POLR3E: variants seen among roughly 807,000 people sequenced by gnomAD.
POLR3E encodes the protein DNA-directed RNA polymerase III subunit RPC5.
In POLR3E, 41 loss-of-function variants were observed where a neutral mutation model predicts 96.6. The ratio of observed to expected loss-of-function variants is 0.42; its 90% CI spans 0.33 to 0.55. The LOEUF (loss-of-function observed/expected upper bound fraction) is 0.55, where lower values mean the gene tolerates loss of function less well. Among genes scored for constraint, POLR3E ranks in the 20% least tolerant of loss-of-function variants. POLR3E has a pLI of 0.06. For synonymous variants in POLR3E, 396 were observed against 383.6 expected, an observed-to-expected ratio of 1.03 and a Z score of -0.38; for missense variants, 849 against 952.1, an observed-to-expected ratio of 0.89 and a Z score of 1.43.
rs959507017 is a variant in POLR3E at position 22,324,580 on chromosome 16, G to T, written c.1206G>T (p.Leu402=). Reference sequence around the variant, plus strand: ...TCAACAAAGGCTGGGAGTTCATTCTGCCTTATGATGGGGAGTTCATCAAGA... The same window carrying T: ...TCAACAAAGGCTGGGAGTTCATTCTTCCTTATGATGGGGAGTTCATCAAGA... ...VRINKGWEFI[L]PYDGEFIKKH... is the part of the protein sequence containing the mutation. Residue 402 remains leucine, a synonymous_variant, in exon 16 of 21, where the codon CTG becomes CTT. Transcript: ENST00000299853. 7.5e-5 allele frequency: 121 copies of T among 1,613,410 alleles called. No individual in the cohort carries two copies. Among genetic ancestry groups the T allele is most frequent in the Non-Finnish European group, 9.9e-5 (117 of 1,179,826 alleles).
rs751565085 is a variant in POLR3E, at chr16:22,316,672, C to G, written c.714C>G (p.Leu238=). 5.6e-6 allele frequency: 9 copies of G among 1,613,762 alleles called. No homozygotes were observed. The highest frequency in any genetic ancestry group is 5.5e-5 in the South Asian group (5 of 91,080). ...CAAGCGGGGTGGAGAACACGGAGCTCGTCAAGTCACCCAGGTGGGATGGGC... is the reference window on the plus strand; with the variant it reads ...CAAGCGGGGTGGAGAACACGGAGCTGGTCAAGTCACCCAGGTGGGATGGGC... ...PGSSGVENTE[L]VKSPSEYLMM... Residue 238 remains leucine (L), a synonymous_variant, in exon 10 of 21, where the codon CTC becomes CTG. Transcript: ENST00000299853.
At position 22,325,790 on chromosome 16, in the gene POLR3E, C is replaced by A; in HGVS notation, c.1378C>A (p.Arg460=). The A allele has an allele frequency of 1.3e-6, 2 of 1,590,452 alleles. No individual in the cohort carries two copies. The highest frequency in any genetic ancestry group is 1.7e-6 in the Non-Finnish European group (2 of 1,168,756). ...TGCCGGGCTGGTCTGTGGGGACCAG[C>A]GGATCCAAGTAGCCAAAACCAAGGC... ...GPAGLVCGDQ[R]IQVAKTKAQQ... is the part of the protein sequence containing the mutation. The change falls in exon 18 of 21, where the codon CGG becomes AGG. Residue 460 remains arginine (R), a synonymous_variant. Transcript: ENST00000299853.
rs376574532 is a variant in POLR3E, at chr16:22,316,852, C to T, written c.729-143C>T. ...GGTGGGCCTGGAAAGAGATGGTCCA[C>T]TTTTCTGCAGGGGCTCAGGGCTGCT... On this transcript the variant is annotated intron_variant, in intron 10 of 20. Transcript: ENST00000299853. 419 of 914,226 alleles carry T rather than the reference C, an allele frequency of 4.6e-4. 3 individuals are homozygous for T. In the African/African-American group the frequency reaches 6.3e-3, roughly 14 times the overall value. 56.6% of individuals were successfully genotyped at this position (914,226 alleles called of 1,614,324 possible).
rs2048408639 is a variant in POLR3E, at chr16:22,318,693, G to C, written c.866-133G>C. The C allele has an allele frequency of 3.5e-6, 3 of 869,244 alleles. No individual in the cohort carries two copies. The highest frequency in any genetic ancestry group is 1.6e-5 in the South Asian group (1 of 61,002). The allele number at this position is 869,244 out of a possible 1,614,324, so 53.8% of individuals were successfully genotyped here. ...CCTGAGAGTGTCAGCTGTTGGCTAT[G>C]ATGGGTGTCATTACTGTTAGTTATC... On this transcript the variant is annotated intron_variant, in intron 12 of 20. Coordinates refer to ENST00000299853, the MANE Select transcript of POLR3E (RefSeq NM_018119.4). The surrounding 1 kb of genome is among the most constrained non-coding windows in gnomAD (Gnocchi z 5.0).
At chr16:22,317,747 C>T (rs1020977808) in intron 12 of POLR3E, among the ~76,000 whole-genome samples, 1 of 151,592 alleles carries the variant, frequency 6.6e-6, no homozygotes, top group African/African-American at 2.4e-5. Context: ...CCAAGTGATC[C>T]TCCTGCCTCA....
At chr16:22,302,209 C>T (rs1415834525) in intron 1 of POLR3E, among the ~76,000 whole-genome samples, 1 of 152,174 alleles carries the variant, frequency 6.6e-6, no homozygotes, top group African/African-American at 2.4e-5. Context: ...GCCTTTCCCG[C>T]CTCTCAACTC....
chr16:22,302,843 C>T, intron 1 of POLR3E, 88 bp from the exon 2 acceptor site: 1 of 890,330 alleles, frequency 1.1e-6, no homozygotes, highest in Non-Finnish European at 1.9e-6. Context: ...GTGGGCTCCC[C>T]CTCCCAGTGC....
At position 22,325,757 on chromosome 16, in the gene POLR3E, G is replaced by T. The variant is rs756620501; in HGVS notation, c.1349-4G>T. On this transcript the variant is annotated splice_polypyrimidine_tract_variant and splice_region_variant and intron_variant, in intron 17 of 20. Transcript: ENST00000299853. ...CCTGAGCAGTGCTGCCTCCCTCCCC[G>T]CAGGGCCTGCCGGGCTGGTCTGTGG... The T allele has an allele frequency of 1.3e-6, 2 of 1,551,498 alleles. No homozygotes were observed. The highest frequency in any genetic ancestry group is 8.7e-7 in the Non-Finnish European group (1 of 1,150,836).
rs572633811 is a variant in POLR3E, at chr16:22,325,756, C to T, written c.1349-5C>T. 5.2e-6 allele frequency: 8 copies of T among 1,551,856 alleles called. No individual in the cohort carries two copies. The East Asian group carries it at 6.8e-5, about 13-fold the overall frequency. On this transcript the variant is annotated splice_polypyrimidine_tract_variant and splice_region_variant and intron_variant, in intron 17 of 20. Transcript: ENST00000299853. ...TCCTGAGCAGTGCTGCCTCCCTCCC[C>T]GCAGGGCCTGCCGGGCTGGTCTGTG...
chr16:22,314,954 C>T (rs535549195), intron 8 of POLR3E, 135 bp from the exon 9 acceptor site: 13 of 870,164 alleles, frequency 1.5e-5, no homozygotes, highest in African/African-American at 6.8e-5. Flanking sequence ...GGAATTTAAA[C>T]GACCTGTGCT....
intron 6 of POLR3E, among the ~76,000 whole-genome samples, chr16:22,311,234 GCTGGGATTATAGGCATGAGCCA>G (rs1377325119): frequency 6.8e-6 from 1 of 147,400 alleles, no homozygotes; most frequent in Non-Finnish European, 1.5e-5. Context: ...CTCCCAGAGT[GCTGGGATTATAGGCATGAGCCA>G]CTGTGCCCAG....
intron 1 of POLR3E, among the ~76,000 whole-genome samples, chr16:22,301,427 C>T (rs1420087278): frequency 6.6e-6 from 1 of 151,948 alleles, no homozygotes; most frequent in Non-Finnish European, 1.5e-5. Flanking sequence ...ACTGAAAATA[C>T]AAAAATTAGC....
chr16:22,328,643 T>C (rs2141819475), intron 19 of POLR3E, 56 bp downstream of exon 19: 3 of 1,435,184 alleles, frequency 2.1e-6, no homozygotes, highest in African/African-American at 1.4e-5. Flanking sequence ...TCCTGCAGCG[T>C]TGGAGGCCTT....
At chr16:22,323,753 G>A (rs73539901) in intron 14 of POLR3E, among the ~76,000 whole-genome samples, 4,084 of 152,210 alleles carry the variant, frequency 0.027, 174 homozygotes, top group African/African-American at 0.092. Context: ...GCCCCTGCCC[G>A]CCCCGCTCCA....
chr16:22,299,945 T>G (rs926023913), intron 1 of POLR3E, among the ~76,000 whole-genome samples: 3 of 151,968 alleles, frequency 2.0e-5, no homozygotes, highest in South Asian at 2.1e-4. Flanking sequence ...GAACTCCTGG[T>G]CTCAAGCAGT....
intron 12 of POLR3E, among the ~76,000 whole-genome samples, chr16:22,317,650 G>A (rs1227091647): frequency 1.3e-5 from 2 of 150,484 alleles, no homozygotes; most frequent in Non-Finnish European, 2.9e-5. Context: ...TGTTGTTGTT[G>A]TTGTTGTTGT....
chr16:22,309,150 T>C, intron 5 of POLR3E, 110 bp downstream of exon 5: 1 of 750,446 alleles, frequency 1.3e-6, no homozygotes, highest in Non-Finnish European at 2.2e-6. Flanking sequence ...TCCCCACCAG[T>C]GTCCCAGCCT....
At chr16:22,317,828 A>C in intron 12 of POLR3E, among the ~76,000 whole-genome samples, 1 of 151,748 alleles carries the variant, frequency 6.6e-6, no homozygotes, top group East Asian at 1.9e-4. Context: ...CATTTTCATG[A>C]CAATGTCTTC....
At chr16:22,329,685 AC>A (rs1273072477) in intron 19 of POLR3E, among the ~76,000 whole-genome samples, 2 of 152,220 alleles carry the variant, frequency 1.3e-5, no homozygotes, top group African/African-American at 4.8e-5. Context: ...AGGCAAAAAA[AC>A]AAAAGTCATA....
Sources: gnomAD v4.1 joint callset for allele counts (sites outside exome capture counted in the v4.1 genomes callset) on GRCh38, gnomAD v4.1.1 for gene constraint, Gnocchi (gnomAD v3.1) non-coding constraint, MANE v1.5 for transcripts, NCBI Gene and HGNC (gene_info 2026-07-23, HGNC 2026-07-21) for gene names.